RNF150: variants seen among roughly 807,000 people sequenced by gnomAD.
The protein encoded by RNF150 is ring finger protein 150.
Under a neutral mutation model 39.3 loss-of-function variants are expected in RNF150, and 24 were observed. The ratio of observed to expected loss-of-function variants is 0.61; its 90% CI spans 0.44 to 0.86. The LOEUF is 0.86. Ranked by LOEUF, RNF150 falls within the 40% of genes least tolerant of loss-of-function variation. The pLI is 0.00. For synonymous variants in RNF150, 255 were observed against 227.3 expected, an observed-to-expected ratio of 1.12 and a Z score of -1.10; for missense variants, 502 against 587.8, an observed-to-expected ratio of 0.85 and a Z score of 1.51.
At chr4:140,888,195 G>A (rs1175483765) in intron 6 of RNF150, among the ~76,000 whole-genome samples, 1 of 152,194 alleles carries the variant, frequency 6.6e-6, no homozygotes, top group Non-Finnish European at 1.5e-5. Flanking sequence ...TATGTTGGGG[G>A]ATGGGGAGGA....
intron 1 of RNF150, among the ~76,000 whole-genome samples, chr4:141,058,532 C>T (rs1336659568): frequency 1.3e-5 from 2 of 152,072 alleles, no homozygotes; most frequent in African/African-American, 2.4e-5. Context: ...AATATTCCAC[C>T]TTCATGTAGT....
Position 141,181,669 on chromosome 4 carries a change from A to C in RNF150, c.-6+31125T>G, listed in dbSNP as rs904425125. ...TACTGTCATCAAATGTTCATGCTAT[A>C]TCATCTACAAATATGAAGACTGTGC... On this transcript the variant is annotated intron_variant, in intron 1 of 7. Coordinates refer to the RNF150 transcript ENST00000420921. Among the ~76,000 whole-genome samples the C allele has an allele frequency of 2.0e-5, 3 of 152,166 alleles. No individual in the cohort carries two copies. In the East Asian group the frequency reaches 5.8e-4, roughly 29 times the overall value.
rs370213482 is a variant in RNF150 at position 140,949,921 on chromosome 4, T to G, written c.736-549A>C. ...TTTACCTCCTTTATGCATGTTTAAG[T>G]GTGAGTGTGCATATAGAAAAATACA... On this transcript the variant is annotated intron_variant, in intron 2 of 6. Transcript: ENST00000515673. Among the ~76,000 whole-genome samples, 113 of 152,312 alleles carry G rather than the reference T, an allele frequency of 7.4e-4. 3 individuals carry two copies. In the South Asian group the frequency reaches 0.021, roughly 28 times the overall value.
intron 1 of RNF150, among the ~76,000 whole-genome samples, chr4:141,056,674 C>A (rs1736985984): frequency 6.6e-6 from 1 of 151,930 alleles, no homozygotes; most frequent in Non-Finnish European, 1.5e-5. Context: ...TACACCTAAT[C>A]CTCAGCTCTT....
chr4:140,996,262 A>AC (rs1182293414), intron 1 of RNF150, among the ~76,000 whole-genome samples: 1 of 152,100 alleles, frequency 6.6e-6, no homozygotes, highest in African/African-American at 2.4e-5. Flanking sequence ...CCTGTGTGCC[A>AC]TTTGTATGTC....
intron 4 of RNF150, among the ~76,000 whole-genome samples, chr4:140,946,725 T>G (rs759202164): frequency 6.6e-6 from 1 of 152,158 alleles, no homozygotes; most frequent in Non-Finnish European, 1.5e-5. Context: ...AGGCTGTTCT[T>G]GAAATGTTGG....
chr4:141,090,270 A>G (rs945717469), intron 1 of RNF150, among the ~76,000 whole-genome samples: 3 of 152,194 alleles, frequency 2.0e-5, no homozygotes, highest in Admixed American at 1.3e-4. Context: ...TTTTCATGAG[A>G]GGGAAGCTTC....
At chr4:141,122,861 T>C (rs1266109704) in intron 1 of RNF150, among the ~76,000 whole-genome samples, 1 of 152,242 alleles carries the variant, frequency 6.6e-6, no homozygotes, top group African/African-American at 2.4e-5. Context: ...GTATTTCATT[T>C]AAAATAAGAA....
intron 1 of RNF150, among the ~76,000 whole-genome samples, chr4:140,996,094 A>G (rs1426058001): frequency 6.6e-6 from 1 of 152,140 alleles, no homozygotes; most frequent in African/African-American, 2.4e-5. Context: ...ATTTCCAGCA[A>G]CACTGTATGA....
intron 1 of RNF150, among the ~76,000 whole-genome samples, chr4:141,211,645 A>C (rs956330964): frequency 6.6e-6 from 1 of 151,232 alleles, no homozygotes; most frequent in Non-Finnish European, 1.5e-5. Flanking sequence ...AGAATTGACT[A>C]TCCCTTAACT....
chr4:141,105,622 C>G (rs1739170656), intron 1 of RNF150, among the ~76,000 whole-genome samples: 1 of 152,120 alleles, frequency 6.6e-6, no homozygotes, highest in Non-Finnish European at 1.5e-5. Context: ...CTGTGCCAAG[C>G]CTCAGCAATC....
chr4:140,934,098 C>A (rs1349376023), intron 4 of RNF150, among the ~76,000 whole-genome samples: 2 of 152,218 alleles, frequency 1.3e-5, no homozygotes, highest in Non-Finnish European at 2.9e-5. Flanking sequence ...GCCACCTCCG[C>A]CTCCCAGGTT....
chr4:140,946,692 G>A (rs1269447849), intron 4 of RNF150, among the ~76,000 whole-genome samples: 1 of 152,050 alleles, frequency 6.6e-6, no homozygotes, highest in East Asian at 1.9e-4. Flanking sequence ...TTTTTGTAGA[G>A]ACAGAGTCTT....
At chr4:140,989,934 T>C (rs1734138658) in intron 1 of RNF150, among the ~76,000 whole-genome samples, 1 of 152,164 alleles carries the variant, frequency 6.6e-6, no homozygotes, top group African/African-American at 2.4e-5. Context: ...GCCTTAGACA[T>C]ATGCTGAAAG....
chr4:140,967,527 T>A (rs1287998022), intron 2 of RNF150, 96 bp downstream of exon 2: 7 of 956,888 alleles, frequency 7.3e-6, no homozygotes, highest in Non-Finnish European at 1.1e-5. Flanking sequence ...AGTGGGGATA[T>A]TTTGGTTTTG....
intron 1 of RNF150, among the ~76,000 whole-genome samples, chr4:141,143,149 C>T (rs1199609581): frequency 2.0e-5 from 3 of 152,178 alleles, no homozygotes; most frequent in Non-Finnish European, 2.9e-5. Flanking sequence ...AGATTGCAGG[C>T]GTGAGCCACC....
chr4:141,035,498 G>A (rs201272569), intron 1 of RNF150, among the ~76,000 whole-genome samples: 6 of 152,114 alleles, frequency 3.9e-5, no homozygotes, highest in East Asian at 1.9e-4. Flanking sequence ...AAATGTATGC[G>A]ATGCGATCCT....
chr4:140,943,513 CT>C (rs376623128), intron 4 of RNF150, among the ~76,000 whole-genome samples: 1 of 152,162 alleles, frequency 6.6e-6, no homozygotes, highest in African/African-American at 2.4e-5. Context: ...GAAAACATTA[CT>C]TTTTTTCTGT....
intron 5 of RNF150, among the ~76,000 whole-genome samples, chr4:140,921,063 G>A (rs1298714246): frequency 6.6e-6 from 1 of 150,576 alleles, no homozygotes; most frequent in East Asian, 2.0e-4. Flanking sequence ...ATAGCATTAG[G>A]AGATATACCT....
Sources: allele counts gnomAD v4.1 joint callset (sites outside exome capture counted in the v4.1 genomes callset), GRCh38; gene constraint gnomAD v4.1.1; transcripts MANE v1.5; gene names NCBI Gene and HGNC (gene_info 2026-07-23, HGNC 2026-07-21).